CTNNA3: variants seen among roughly 807,000 people sequenced by gnomAD.
CTNNA3 encodes the protein catenin alpha-3.
A neutral mutation model predicts 95.7 loss-of-function variants in CTNNA3; 76 were observed. That is an observed-to-expected ratio of 0.79 (90% CI 0.66 to 0.96). The LOEUF (loss-of-function observed/expected upper bound fraction) is 0.96. Among genes scored for constraint, CTNNA3 ranks in the 40% least tolerant of loss-of-function variants. CTNNA3 has a pLI of 0.00. For missense variants in CTNNA3, 1,191 were observed against 1,089.8 expected, an observed-to-expected ratio of 1.09 and a Z score of -1.31; for synonymous variants, 431 against 374.4, an observed-to-expected ratio of 1.15 and a Z score of -1.74.
intron 11 of CTNNA3, among the ~76,000 whole-genome samples, chr10:66,388,022 C>T (rs1040777644): frequency 6.6e-6 from 1 of 151,990 alleles, no homozygotes; most frequent in Admixed American, 6.6e-5. Context: ...TGCAGCAAAC[C>T]AACATGGCAC....
chr10:67,601,648 A>G (rs908805607), intron 3 of CTNNA3, among the ~76,000 whole-genome samples: 1 of 152,246 alleles, frequency 6.6e-6, no homozygotes, highest in African/African-American at 2.4e-5. Context: ...TCTAGACATT[A>G]TAAACAACTC....
Position 67,566,045 on chromosome 10 carries a change from A to G in CTNNA3, c.293-26376T>C, listed in dbSNP as rs190326139. 3.1e-3 allele frequency among the ~76,000 whole-genome samples: 169 copies of G among 54,124 alleles called. 3 individuals are homozygous for G. The highest frequency in any genetic ancestry group is 0.019 in the East Asian group (12 of 642). 35.5% of individuals were successfully genotyped at this position (54,124 alleles called of 152,430 possible). A position where few individuals can be genotyped will look rare whatever the true frequency, so the allele number is the denominator to read the frequency against. ...CACACACACACATATGTGTGTGTGT[A>G]TATATATATATATATATATATATAT... On this transcript the variant is annotated intron_variant, in intron 3 of 17. Transcript: ENST00000433211.
At chr10:66,604,540 C>T (rs770544773) in intron 10 of CTNNA3, among the ~76,000 whole-genome samples, 3 of 152,152 alleles carry the variant, frequency 2.0e-5, no homozygotes, top group Non-Finnish European at 4.4e-5. Flanking sequence ...CTTTGGCTGA[C>T]ACCACCCATC....
intron 13 of CTNNA3, among the ~76,000 whole-genome samples, chr10:66,204,660 C>T (rs554184816): frequency 1.3e-5 from 2 of 152,260 alleles, no homozygotes; most frequent in South Asian, 2.1e-4. Flanking sequence ...CACTTCCTCC[C>T]TTGTACTTAC....
At chr10:67,402,433 C>T (rs1041451227) in intron 5 of CTNNA3, among the ~76,000 whole-genome samples, 1 of 152,126 alleles carries the variant, frequency 6.6e-6, no homozygotes, top group African/African-American at 2.4e-5. Flanking sequence ...AGAGAGTGGG[C>T]CGAGACCTCC....
At chr10:66,376,516 T>C (rs1166177507) in intron 12 of CTNNA3, among the ~76,000 whole-genome samples, 2 of 152,138 alleles carry the variant, frequency 1.3e-5, no homozygotes, top group African/African-American at 4.8e-5. Context: ...ATTTTGAAAA[T>C]GTACTAATGA....
At chr10:67,376,159 G>T (rs1843680970) in intron 5 of CTNNA3, among the ~76,000 whole-genome samples, 1 of 152,126 alleles carries the variant, frequency 6.6e-6, no homozygotes, top group Non-Finnish European at 1.5e-5. Flanking sequence ...TGTTACAGCA[G>T]ACCAAATGGA....
chr10:66,679,207 C>G (rs1034936203), intron 9 of CTNNA3, among the ~76,000 whole-genome samples: 2 of 151,988 alleles, frequency 1.3e-5, no homozygotes, highest in Non-Finnish European at 2.9e-5. Context: ...AATGCGAAGC[C>G]ATTTCAATCT....
rs918118866 is a variant in CTNNA3 at position 67,434,568 on chromosome 10, T to C, written c.579+87274A>G. On this transcript the variant is annotated intron_variant, in intron 5 of 17. Coordinates refer to ENST00000433211, the MANE Select transcript of CTNNA3 (RefSeq NM_013266.4). Reference sequence around the variant, plus strand: ...ATAAAAACTCAGGCGGTGCTATATATCCATATATGTGTGTGTCTGTGTGTA... The same window carrying C: ...ATAAAAACTCAGGCGGTGCTATATACCCATATATGTGTGTGTCTGTGTGTA... Among the ~76,000 whole-genome samples the C allele has an allele frequency of 3.9e-5, 6 of 151,924 alleles. No individual in the cohort carries two copies. The East Asian group carries it at 1.2e-3, about 29-fold the overall frequency.
intron 12 of CTNNA3, among the ~76,000 whole-genome samples, chr10:66,350,270 T>G (rs2092556780): frequency 6.6e-6 from 1 of 152,038 alleles, no homozygotes; most frequent in Non-Finnish European, 1.5e-5. Context: ...GCAAGAATCT[T>G]AGAGGAAGCA....
intron 7 of CTNNA3, among the ~76,000 whole-genome samples, chr10:66,987,717 A>G (rs575589923): frequency 6.6e-6 from 1 of 152,308 alleles, no homozygotes; most frequent in African/African-American, 2.4e-5. Flanking sequence ...TATAAACATA[A>G]GGTAAGATGC....
At chr10:67,448,826 T>A (rs1846856733) in intron 5 of CTNNA3, among the ~76,000 whole-genome samples, 2 of 148,438 alleles carry the variant, frequency 1.3e-5, no homozygotes, top group East Asian at 3.9e-4. Context: ...TATATAATTG[T>A]TATACAATTT....
At chr10:66,878,060 C>T (rs1284428440) in intron 7 of CTNNA3, among the ~76,000 whole-genome samples, 3 of 152,014 alleles carry the variant, frequency 2.0e-5, no homozygotes, top group African/African-American at 4.8e-5. Context: ...ACTCGGTTTT[C>T]GGAAGTCAGG....
At chr10:66,288,946 A>G (rs1333370944) in intron 12 of CTNNA3, among the ~76,000 whole-genome samples, 1 of 152,076 alleles carries the variant, frequency 6.6e-6, no homozygotes, top group Non-Finnish European at 1.5e-5. Flanking sequence ...TCCTTGGTAT[A>G]AATATAGATG....
At chr10:66,487,118 G>A (rs1839757260) in intron 11 of CTNNA3, among the ~76,000 whole-genome samples, 1 of 139,826 alleles carries the variant, frequency 7.2e-6, no homozygotes, top group African/African-American at 2.7e-5. Flanking sequence ...GGAATCTAAT[G>A]TACAGCATGG....
intron 9 of CTNNA3, among the ~76,000 whole-genome samples, chr10:66,706,393 A>G (rs1848119165): frequency 6.7e-6 from 1 of 148,414 alleles, no homozygotes; most frequent in Admixed American, 6.7e-5. Context: ...TGGCCCCACT[A>G]CTCTTCCTAT....
At chr10:66,106,597 C>T (rs1335652334) in intron 13 of CTNNA3, among the ~76,000 whole-genome samples, 2 of 152,032 alleles carry the variant, frequency 1.3e-5, no homozygotes, top group Non-Finnish European at 2.9e-5. Flanking sequence ...GGCTCAGTTA[C>T]ACTAAGATGC....
intron 13 of CTNNA3, among the ~76,000 whole-genome samples, chr10:66,107,586 T>C (rs1473372679): frequency 1.3e-5 from 2 of 152,130 alleles, no homozygotes; most frequent in Non-Finnish European, 2.9e-5. Context: ...AATGACATAG[T>C]AGTAATACAT....
At chr10:67,737,402 G>T (rs1841308635) in intron 1 of CTNNA3, among the ~76,000 whole-genome samples, 1 of 151,718 alleles carries the variant, frequency 6.6e-6, no homozygotes, top group Non-Finnish European at 1.5e-5. Context: ...AAAATAGAAG[G>T]ACTTCAAATA....
Sources: gnomAD v4.1 joint callset for allele counts (sites outside exome capture counted in the v4.1 genomes callset) on GRCh38, gnomAD v4.1.1 for gene constraint, MANE v1.5 for transcripts, NCBI Gene and HGNC (gene_info 2026-07-23, HGNC 2026-07-21) for gene names.